SEC24D: variants seen among roughly 807,000 people sequenced by gnomAD.
The protein encoded by SEC24D is protein transport protein Sec24D.
Under a neutral mutation model 116.9 loss-of-function variants are expected in SEC24D, and 69 were observed. The observed-to-expected ratio is 0.59, with a 90% CI of 0.49 to 0.72. The LOEUF (loss-of-function observed/expected upper bound fraction) is 0.72, where lower values mean the gene tolerates loss of function less well. Among genes scored for constraint, SEC24D ranks in the 30% least tolerant of loss-of-function variants. The pLI is 0.00. For synonymous variants in SEC24D, 405 were observed against 442.8 expected, an observed-to-expected ratio of 0.91 and a Z score of 1.07; for missense variants, 1,131 against 1,264.1, an observed-to-expected ratio of 0.89 and a Z score of 1.60.
At chr4:118,798,610 C>T (rs1412553959) in intron 7 of SEC24D, among the ~76,000 whole-genome samples, 2 of 152,146 alleles carry the variant, frequency 1.3e-5, no homozygotes, top group Middle Eastern at 3.2e-3. Flanking sequence ...AGCTTATGTT[C>T]TTGCAGAGGA....
rs137925997 is a variant in SEC24D at position 118,809,012 on chromosome 4, C to T, written c.802-3058G>A. Among the ~76,000 whole-genome samples, 440 of 149,472 alleles carry T rather than the reference C, an allele frequency of 2.9e-3. 3 individuals are homozygous for T. Among genetic ancestry groups the T allele is most frequent in the African/African-American group, 0.01 (418 of 40,702 alleles). On this transcript the variant is annotated intron_variant, in intron 6 of 22. Coordinates refer to ENST00000280551, the MANE Select transcript of SEC24D (RefSeq NM_014822.4). ...TTTTTGAGACAGAGTCTTGCTCTGT[C>T]GCCCAGGCTGGAGTGCAGTGGCACG...
At chr4:118,775,963 A>T (rs1728111804) in intron 8 of SEC24D, among the ~76,000 whole-genome samples, 1 of 152,178 alleles carries the variant, frequency 6.6e-6, no homozygotes, top group African/African-American at 2.4e-5. Context: ...CTAACTAAAA[A>T]ACTTCACTCC....
chr4:118,812,671 C>A (rs114775762), intron 6 of SEC24D, among the ~76,000 whole-genome samples: 3,193 of 152,212 alleles, frequency 0.021, 102 homozygotes, highest in African/African-American at 0.073. Flanking sequence ...CTGGCTCCCC[C>A]ACCTGCTGAG....
At chr4:118,784,525 A>G (rs545248374) in intron 8 of SEC24D, among the ~76,000 whole-genome samples, 2 of 152,194 alleles carry the variant, frequency 1.3e-5, no homozygotes, top group Non-Finnish European at 2.9e-5. Context: ...TTTACAGTTT[A>G]GGATAAAGGA....
At chr4:118,824,447 T>C (rs1485686655) in intron 3 of SEC24D, among the ~76,000 whole-genome samples, 173 bp downstream of exon 3, 1 of 152,252 alleles carries the variant, frequency 6.6e-6, no homozygotes, top group Non-Finnish European at 1.5e-5. Flanking sequence ...TGCCCAGCCA[T>C]AACTTTTCTT....
At chr4:118,787,019 T>C (rs1728685714) in intron 8 of SEC24D, among the ~76,000 whole-genome samples, 1 of 152,146 alleles carries the variant, frequency 6.6e-6, no homozygotes, top group Non-Finnish European at 1.5e-5. Context: ...AGAATTCAAA[T>C]GATCTTTGCC....
intron 13 of SEC24D, among the ~76,000 whole-genome samples, chr4:118,748,009 T>C (rs189720410): frequency 6.0e-4 from 92 of 152,334 alleles, no homozygotes; most frequent in Non-Finnish European, 9.4e-4. Context: ...CTCAGGCCTG[T>C]AATCCCAGCA....
chr4:118,815,432 T>A lies in SEC24D; in HGVS notation c.673+19A>T, dbSNP rs932166908. The A allele has an allele frequency of 8.7e-6, 14 of 1,613,028 alleles. No homozygotes were observed. The highest frequency in any genetic ancestry group is 9.3e-6 in the Non-Finnish European group (11 of 1,179,444). On this transcript the variant is annotated intron_variant, in intron 5 of 22. Transcript: ENST00000280551. ...CCCTGGGTAACACAAAGCCTTCCCCTGCACCCTGTCCGCCTTACCCTGCTG... is the reference window on the plus strand; with the variant it reads ...CCCTGGGTAACACAAAGCCTTCCCCAGCACCCTGTCCGCCTTACCCTGCTG...
intron 8 of SEC24D, among the ~76,000 whole-genome samples, chr4:118,773,408 T>C (rs530924299): frequency 1.3e-5 from 2 of 151,754 alleles, no homozygotes; most frequent in African/African-American, 2.4e-5. Context: ...TCAACTTGTA[T>C]TTCCCAGGAA....
At chr4:118,746,697 G>A (rs1297857939) in intron 13 of SEC24D, among the ~76,000 whole-genome samples, 1 of 152,056 alleles carries the variant, frequency 6.6e-6, no homozygotes, top group African/African-American at 2.4e-5. Context: ...CATTTCTCCA[G>A]CTCTCTGCCT....
At position 118,731,429 on chromosome 4, in the gene SEC24D, A is replaced by G; in HGVS notation, c.2755T>C (p.Phe919Leu). 1 of 1,614,088 alleles carries G rather than the reference A, an allele frequency of 6.2e-7. No individual in the cohort carries two copies. The highest frequency in any genetic ancestry group is 8.5e-7 in the Non-Finnish European group (1 of 1,179,962). Residue 919 changes from phenylalanine (F) to leucine (L), a missense_variant, in exon 21 of 23, where the codon TTC (phenylalanine) becomes CTC (leucine). Coordinates refer to ENST00000280551, the MANE Select transcript of SEC24D (RefSeq NM_014822.4). ...SESRLSEEGIFLLANGLHMFL... is the reference protein window; with the variant it reads ...SESRLSEEGILLLANGLHMFL... The stretch of plus-strand genomic sequence containing the variant: ...ATGTGTAGACCATTAGCCAGTAAGA[A>G]TATTCCTTCTTCTGAAAGACGGGAC...
At chr4:118,793,209 T>C (rs1729010913) in intron 8 of SEC24D, among the ~76,000 whole-genome samples, 2 of 152,216 alleles carry the variant, frequency 1.3e-5, no homozygotes, top group Admixed American at 1.3e-4. Flanking sequence ...GGCTCACGCC[T>C]GTAATCCCAG....
intron 13 of SEC24D, among the ~76,000 whole-genome samples, chr4:118,750,056 A>G (rs17050423): frequency 0.26 from 40,177 of 152,128 alleles, 6,464 homozygotes; most frequent in East Asian, 0.45. Flanking sequence ...AAAAATATGC[A>G]TTACTATAAC....
At chr4:118,793,605 C>T (rs956881477) in intron 8 of SEC24D, among the ~76,000 whole-genome samples, 5 of 152,170 alleles carry the variant, frequency 3.3e-5, no homozygotes, top group South Asian at 4.1e-4. Context: ...AGCTACATGC[C>T]CAAAAAGGAA....
chr4:118,740,556 A>AT (rs1041992992), intron 17 of SEC24D, 107 bp downstream of exon 17: 17 of 1,308,820 alleles, frequency 1.3e-5, no homozygotes, highest in Non-Finnish European at 1.6e-5. Context: ...AAAGAGTTGA[A>AT]TTTTTTTATG....
chr4:118,741,279 C>A (rs116448075), intron 15 of SEC24D, among the ~76,000 whole-genome samples: 2 of 152,044 alleles, frequency 1.3e-5, no homozygotes, highest in African/African-American at 2.4e-5. Flanking sequence ...ATGAGAAAAT[C>A]GGTTATTAAT....
chr4:118,796,690 C>G (rs767239408), intron 8 of SEC24D, among the ~76,000 whole-genome samples: 3 of 152,234 alleles, frequency 2.0e-5, no homozygotes, highest in African/African-American at 2.4e-5. Flanking sequence ...CTTCCTCACA[C>G]TGCTTTACTC....
chr4:118,751,936 T>C (rs1014097429), intron 13 of SEC24D, 60 bp downstream of exon 13: 1 of 1,172,456 alleles, frequency 8.5e-7, no homozygotes, highest in African/African-American at 1.5e-5. Flanking sequence ...AACTTTCTTA[T>C]TTTTTGTCTC....
intron 6 of SEC24D, among the ~76,000 whole-genome samples, chr4:118,808,000 T>C (rs960912099): frequency 1.3e-5 from 2 of 152,208 alleles, no homozygotes; most frequent in Admixed American, 1.3e-4. Flanking sequence ...CTTGCTCTGA[T>C]GCCCAGGCTG....
Sources: allele counts gnomAD v4.1 joint callset (sites outside exome capture counted in the v4.1 genomes callset), GRCh38; gene constraint gnomAD v4.1.1; transcripts MANE v1.5; gene names NCBI Gene and HGNC (gene_info 2026-07-23, HGNC 2026-07-21).